Variants in INO80 observed in about 807,000 individuals in gnomAD.
INO80 encodes the protein chromatin-remodeling ATPase INO80.
In INO80, 20 loss-of-function variants were observed where a neutral mutation model predicts 203.4. The observed-to-expected ratio is 0.10, with a 90% CI of 0.07 to 0.14. INO80 has a LOEUF of 0.14. INO80 is among the 10% of genes least tolerant of loss of function. The pLI, the probability that INO80 is intolerant of heterozygous loss-of-function variation, is 1.00. For missense variants in INO80, 1,419 were observed against 1,914.4 expected (o/e 0.74, Z 4.83); for synonymous variants, 726 against 685.2 (o/e 1.06, Z -0.93).
intron 24 of INO80, among the ~76,000 whole-genome samples, chr15:41,038,389 T>G (rs2044615517): frequency 6.6e-6 from 1 of 152,116 alleles, no homozygotes; most frequent in Non-Finnish European, 1.5e-5. Flanking sequence ...ACTCCCCTCC[T>G]GAAATACCTT....
chr15:41,031,277 G>C lies in INO80; in HGVS notation c.2908-3541C>G, dbSNP rs570510193. The stretch of plus-strand genomic sequence containing the variant: ...CAACATGAACTGCTAGACATTGCTA[G>C]ATATAGAAAAATGTATGCCTGACAT... On this transcript the variant is annotated intron_variant, in intron 24 of 35. Coordinates refer to ENST00000648947, the MANE Select transcript of INO80 (RefSeq NM_017553.3). 2.6e-5 allele frequency among the ~76,000 whole-genome samples: 4 copies of C among 151,810 alleles called. No individual in the cohort carries two copies. In the East Asian group the frequency reaches 7.8e-4, roughly 30 times the overall value.
In INO80 at chr15:41,027,582, C is replaced by T; in HGVS notation, c.3048+14G>A. 1 of 1,589,784 alleles carries T rather than the reference C, an allele frequency of 6.3e-7. No homozygotes were observed. On this transcript the variant is annotated intron_variant, in intron 25 of 35. Coordinates refer to ENST00000648947, the MANE Select transcript of INO80 (RefSeq NM_017553.3). ...TTGCCATCTATTTCATCTCTTCCCT[C>T]CTGGAGCACTTACTCGTGGACTGGC...
intron 14 of INO80, among the ~76,000 whole-genome samples, chr15:41,065,446 A>C (rs748581861): frequency 3.2e-4 from 48 of 152,206 alleles, no homozygotes; most frequent in Non-Finnish European, 5.7e-4. Flanking sequence ...TAAAACAAAA[A>C]ACAAAAAACA....
intron 17 of INO80, among the ~76,000 whole-genome samples, chr15:41,056,092 C>G (rs1240644194): frequency 1.3e-5 from 2 of 151,960 alleles, no homozygotes; most frequent in Non-Finnish European, 2.9e-5. Context: ...TACAGGCATG[C>G]ACCACTATGC....
At chr15:41,068,103 C>T (rs1055781290) in intron 14 of INO80, among the ~76,000 whole-genome samples, 1 of 152,126 alleles carries the variant, frequency 6.6e-6, no homozygotes. Flanking sequence ...TGGACTAAGA[C>T]TAGAGATCAG....
chr15:41,077,224 T>A (rs1349385264), intron 9 of INO80, among the ~76,000 whole-genome samples: 2 of 151,428 alleles, frequency 1.3e-5, no homozygotes, highest in Non-Finnish European at 2.9e-5. Flanking sequence ...CTTTATTTTT[T>A]TTTTTTTCCA....
intron 16 of INO80, among the ~76,000 whole-genome samples, chr15:41,057,028 A>G (rs1042636674): frequency 6.6e-6 from 1 of 152,222 alleles, no homozygotes; most frequent in Non-Finnish European, 1.5e-5. Context: ...ATTTAATTAG[A>G]AAGTACATAT....
rs112272226 is a variant in INO80 at position 41,071,945 on chromosome 15, C to G, written c.1509G>C (p.Arg503=). 27 of 1,613,722 alleles carry G rather than the reference C, an allele frequency of 1.7e-5. No homozygotes were observed. In the Admixed American group the frequency reaches 2.7e-4, roughly 16 times the overall value. ...ESYSLANPSI[R]AGEDIPQPTI... ...TGGGCTGTGGAATATCCTCACCAGC[C>G]CGGATAGATGGGTTAGCCAGGCTAT... The change falls in exon 12 of 36, where the codon CGG becomes CGC. Residue 503 remains arginine (R), a synonymous_variant. Transcript: ENST00000648947.
chr15:41,047,938 T>G (rs983187854), intron 22 of INO80, among the ~76,000 whole-genome samples: 1 of 152,198 alleles, frequency 6.6e-6, no homozygotes, highest in Non-Finnish European at 1.5e-5. Flanking sequence ...ACCGACTTTG[T>G]CAAGTTTCAA....
intron 23 of INO80, 86 bp downstream of exon 23, chr15:41,047,322 T>G (rs528229239): frequency 3.3e-5 from 27 of 821,202 alleles, no homozygotes; most frequent in Non-Finnish European, 5.2e-5. Context: ...GATGATATCA[T>G]ATTAAATATT....
rs1157291666 is a variant in INO80, at chr15:41,009,792, G to T, written c.3403-4105C>A. Reference sequence around the variant, plus strand: ...AATTTAAATTTTTATAGAGATGGGGGTCTTGCTATGTTGTCCAGGCTGGTC... The same window carrying T: ...AATTTAAATTTTTATAGAGATGGGGTTCTTGCTATGTTGTCCAGGCTGGTC... On this transcript the variant is annotated intron_variant, in intron 27 of 35. Coordinates refer to ENST00000648947, the MANE Select transcript of INO80 (RefSeq NM_017553.3). Among the ~76,000 whole-genome samples the T allele has an allele frequency of 2.0e-5, 3 of 151,864 alleles. No homozygotes were observed. The East Asian group carries it at 5.8e-4, about 29-fold the overall frequency.
At chr15:41,027,481 G>T in intron 25 of INO80, 115 bp downstream of exon 25, 1 of 888,948 alleles carries the variant, frequency 1.1e-6, no homozygotes, top group Non-Finnish European at 1.7e-6. Context: ...GAATTTATAT[G>T]TTTCTTAAAG....
chr15:41,013,183 C>T (rs996605432), intron 27 of INO80: 8 of 152,192 alleles, frequency 5.3e-5, no homozygotes, highest in African/African-American at 1.9e-4. Flanking sequence ...AGCTTTGATA[C>T]CCGCAATGTG....
At chr15:41,046,556 A>G (rs1434673114) in intron 23 of INO80, among the ~76,000 whole-genome samples, 1 of 149,058 alleles carries the variant, frequency 6.7e-6, no homozygotes, top group African/African-American at 2.5e-5. Context: ...GCATCATACA[A>G]TTACTAAATG....
At chr15:41,109,595 G>C in intron 1 of INO80, among the ~76,000 whole-genome samples, 1 of 152,128 alleles carries the variant, frequency 6.6e-6, no homozygotes, top group East Asian at 1.9e-4. Flanking sequence ...TCAGGAGTTC[G>C]AGATCAGCCT....
intron 26 of INO80, chr15:41,018,385 G>T (rs1037868027): frequency 2.0e-5 from 3 of 152,154 alleles, no homozygotes; most frequent in African/African-American, 7.2e-5. Context: ...CTGTTCCTAG[G>T]ATTAGAAAAG....
In INO80 at chr15:41,095,961, C is replaced by G. The variant is rs371998241; in HGVS notation, c.144-33G>C. On this transcript the variant is annotated intron_variant, in intron 2 of 35. Coordinates refer to ENST00000648947, the MANE Select transcript of INO80 (RefSeq NM_017553.3). ...TTGAAGAATGAGTCCACAATTACAG[C>G]TGACCCAATAAAATATAATTTAAAG... is the stretch of plus-strand genomic sequence containing the variant. 2.5e-5 allele frequency: 40 copies of G among 1,582,050 alleles called. No individual in the cohort carries two copies. In the Admixed American group the frequency reaches 6.5e-4, roughly 26 times the overall value.
rs549937040 is a variant in INO80 at position 40,997,035 on chromosome 15, G to A, written c.3570+494C>T. ...CTCACACCTGTAATCCCAGTACTTT[G>A]GGAGGCTGAGGCAGGTGGATCACTT... On this transcript the variant is annotated intron_variant, in intron 29 of 35. Transcript: ENST00000648947. Among the ~76,000 whole-genome samples, 89 of 152,314 alleles carry A rather than the reference G, an allele frequency of 5.8e-4. 1 individual carries two copies. Among genetic ancestry groups the A allele is most frequent in the African/African-American group, 2.1e-3 (88 of 41,584 alleles).
At chr15:41,050,914 A>G (rs2044857627) in intron 19 of INO80, among the ~76,000 whole-genome samples, 1 of 151,898 alleles carries the variant, frequency 6.6e-6, no homozygotes, top group Admixed American at 6.6e-5. Context: ...CAGGCAGATC[A>G]CAGGTCAGGA....
Sources: allele counts gnomAD v4.1 joint callset (sites outside exome capture counted in the v4.1 genomes callset), GRCh38; gene constraint gnomAD v4.1.1; transcripts MANE v1.5; gene names NCBI Gene and HGNC (gene_info 2026-07-23, HGNC 2026-07-21).